The following ADORA2B variants were observed in gnomAD, a reference collection of about 807,000 sequenced individuals.
ADORA2B encodes adenosine receptor A2b.
A neutral mutation model predicts 20.8 loss-of-function variants in ADORA2B; 18 were observed. The ratio of observed to expected loss-of-function variants is 0.87; its 90% CI spans 0.60 to 1.29. ADORA2B has a LOEUF of 1.29. ADORA2B is among the 50% of genes most tolerant of loss of function. ADORA2B has a pLI of 0.00. For missense variants in ADORA2B, 441 were observed against 422.7 expected, an observed-to-expected ratio of 1.04 and a Z score of -0.38; for synonymous variants, 179 against 178.3, an observed-to-expected ratio of 1.00 and a Z score of -0.03.
upstream of ADORA2B, chr17:15,944,924 T>G: frequency 5.2e-6 from 1 of 193,572 alleles, no homozygotes. The surrounding 1 kb of genome is among the most constrained non-coding windows in gnomAD (Gnocchi z 4.8). Flanking sequence ...TTGGGGCAAT[T>G]TGTTAGTTAT....
the ADORA2B span, among the ~76,000 whole-genome samples, chr17:15,893,491 C>CCT: frequency 5.4e-5 from 7 of 128,652 alleles, no homozygotes; most frequent in South Asian, 2.2e-4. Context: ...CCTTCCTTCC[C>CCT]TCCCTCCCTC....
chr17:15,852,429 A>T, the ADORA2B span, among the ~76,000 whole-genome samples: 1 of 152,212 alleles, frequency 6.6e-6, no homozygotes, highest in Non-Finnish European at 1.5e-5. Context: ...TTGAAGGAAG[A>T]TTACATCATC....
At chr17:15,963,473 C>T (rs373691315) in intron 1 of ADORA2B, among the ~76,000 whole-genome samples, 5 of 152,160 alleles carry the variant, frequency 3.3e-5, no homozygotes, top group Admixed American at 6.5e-5. Context: ...GGCAGTGCTC[C>T]GTAACCCCAG....
the ADORA2B span, among the ~76,000 whole-genome samples, chr17:15,908,943 C>T: frequency 6.6e-6 from 1 of 152,128 alleles, no homozygotes; most frequent in Non-Finnish European, 1.5e-5. Flanking sequence ...TGAATGAACA[C>T]ATCATCTGCA....
chr17:15,972,637 AGAGCCTGCTTATCT>A (rs1306632282), intron 1 of ADORA2B, among the ~76,000 whole-genome samples: 2 of 152,198 alleles, frequency 1.3e-5, no homozygotes, highest in Non-Finnish European at 2.9e-5. Context: ...CACTTGTCAT[AGAGCCTGCTTATCT>A]GATACATGTT....
the ADORA2B span, among the ~76,000 whole-genome samples, chr17:15,879,812 C>T: frequency 6.7e-6 from 1 of 149,976 alleles, no homozygotes; most frequent in Non-Finnish European, 1.5e-5. Flanking sequence ...GCTGGGTTTA[C>T]AGGCATCAGC....
the ADORA2B span, among the ~76,000 whole-genome samples, chr17:15,893,539 T>G: frequency 7.2e-6 from 1 of 138,072 alleles, no homozygotes; most frequent in Non-Finnish European, 1.6e-5. Context: ...CTGTAGCTAC[T>G]GATAAGTTCC....
the ADORA2B span, among the ~76,000 whole-genome samples, chr17:15,867,560 T>TCCGGGAGGGAGGCGGGGGTCAGCCC: frequency 6.8e-6 from 1 of 146,160 alleles, no homozygotes; most frequent in South Asian, 2.2e-4. Flanking sequence ...AGCCACCCCG[T>TCCGGGAGGGAGGCGGGGGTCAGCCC]CCGGGAGGGA....
the ADORA2B span, among the ~76,000 whole-genome samples, chr17:15,881,353 G>A: frequency 2.6e-5 from 4 of 152,170 alleles, no homozygotes; most frequent in East Asian, 1.9e-4. Context: ...CATCTGCCTC[G>A]GCCTCCCGAA....
intron 1 of ADORA2B, among the ~76,000 whole-genome samples, chr17:15,961,735 G>C (rs1234401279): frequency 1.3e-5 from 2 of 152,224 alleles, no homozygotes; most frequent in East Asian, 3.8e-4. Context: ...ATGGCAGAAA[G>C]TGAGAGGGTA....
the ADORA2B span, among the ~76,000 whole-genome samples, chr17:15,856,880 T>C: frequency 2.6e-5 from 4 of 152,174 alleles, no homozygotes; most frequent in Admixed American, 2.6e-4. Flanking sequence ...AAACCAACTT[T>C]CTGAAGAGAT....
the ADORA2B span, among the ~76,000 whole-genome samples, chr17:15,932,888 A>T: frequency 7.2e-5 from 11 of 152,302 alleles, no homozygotes; most frequent in South Asian, 1.5e-3. Flanking sequence ...CGTTCATTTA[A>T]AGGTAAAAAC....
At chr17:15,901,886 A>AT in the ADORA2B span, among the ~76,000 whole-genome samples, 1 of 152,234 alleles carries the variant, frequency 6.6e-6, no homozygotes, top group Non-Finnish European at 1.5e-5. Flanking sequence ...TAAAATACAC[A>AT]TAAGAGTCAC....
chr17:15,891,432 C>T, the ADORA2B span, among the ~76,000 whole-genome samples: 3 of 152,234 alleles, frequency 2.0e-5, no homozygotes, highest in Admixed American at 6.5e-5. Flanking sequence ...TTCTCTCTCA[C>T]CAGACCTTTA....
intron 1 of ADORA2B, among the ~76,000 whole-genome samples, chr17:15,961,101 A>G (rs1970033041): frequency 6.6e-6 from 1 of 151,294 alleles, no homozygotes; most frequent in Non-Finnish European, 1.5e-5. Flanking sequence ...TGGGAGGCGG[A>G]GCTTGCAGTG....
At chr17:15,897,747 G>T in the ADORA2B span, among the ~76,000 whole-genome samples, 3 of 152,162 alleles carry the variant, frequency 2.0e-5, no homozygotes, top group Admixed American at 1.3e-4. Flanking sequence ...AGAAATAACA[G>T]TGAGATATAA....
chr17:15,921,654 G>T, the ADORA2B span, among the ~76,000 whole-genome samples: 1 of 152,072 alleles, frequency 6.6e-6, no homozygotes, highest in Non-Finnish European at 1.5e-5. Flanking sequence ...AGGTTAAGTG[G>T]CAAGGGATAG....
chr17:15,917,579 T>C, the ADORA2B span, among the ~76,000 whole-genome samples: 1 of 152,116 alleles, frequency 6.6e-6, no homozygotes, highest in African/African-American at 2.4e-5. Flanking sequence ...ACTGGAGGGC[T>C]CCCCTAGGCG....
At position 15,959,610 on chromosome 17, in the gene ADORA2B, C is replaced by T. The variant is rs545921934; in HGVS notation, c.335+14027C>T. On this transcript the variant is annotated intron_variant, in intron 1 of 1. Transcript: ENST00000304222. The stretch of plus-strand genomic sequence containing the variant: ...CCGCCTCCTGGGTCCAAGTGATTCT[C>T]CTGCCTCAGCCTCCCGAGTAGTTGG... 1.5e-4 allele frequency among the ~76,000 whole-genome samples: 23 copies of T among 151,664 alleles called. 1 individual carries two copies. The highest frequency in any genetic ancestry group is 5.1e-4 in the African/African-American group (21 of 41,250).
Sources: allele counts gnomAD v4.1 joint callset (sites outside exome capture counted in the v4.1 genomes callset), GRCh38; gene constraint gnomAD v4.1.1; non-coding constraint Gnocchi (gnomAD v3.1); transcripts MANE v1.5; gene names NCBI Gene and HGNC (gene_info 2026-07-23, HGNC 2026-07-21).